Variants in DIAPH3 observed in about 807,000 individuals in gnomAD.
DIAPH3 encodes the protein protein diaphanous homolog 3.
In DIAPH3, 117 loss-of-function variants were observed where a neutral mutation model predicts 144.3. The ratio of observed to expected loss-of-function variants is 0.81; its 90% confidence interval spans 0.70 to 0.95. DIAPH3 has a LOEUF of 0.95. DIAPH3 is among the 40% of genes least tolerant of loss of function. The probability of loss-of-function intolerance (pLI) is 0.00; values close to 1 mark genes in which losing one functional copy is unlikely to be tolerated. For missense variants in DIAPH3, 1,421 were observed against 1,412.7 expected, an observed-to-expected ratio of 1.01 and a Z score of -0.09; for synonymous variants, 519 against 488.9, an observed-to-expected ratio of 1.06 and a Z score of -0.81.
chr13:59,701,172 G>A (rs1371137972), intron 27 of DIAPH3, among the ~76,000 whole-genome samples: 1 of 152,122 alleles, frequency 6.6e-6, no homozygotes, highest in Non-Finnish European at 1.5e-5. Context: ...TTAGTTGCGT[G>A]CATTCCATTG....
intron 27 of DIAPH3, among the ~76,000 whole-genome samples, chr13:59,762,439 G>T (rs1207106442): frequency 6.9e-6 from 1 of 144,928 alleles, no homozygotes; most frequent in Non-Finnish European, 1.5e-5. Flanking sequence ...TTTGAGGTGG[G>T]AGTGGATTAT....
At chr13:59,817,227 GTTAA>G (rs2040826036) in intron 24 of DIAPH3, among the ~76,000 whole-genome samples, 1 of 151,830 alleles carries the variant, frequency 6.6e-6, no homozygotes. Flanking sequence ...AATCAAGTCT[GTTAA>G]TTGTTTAACG....
Position 60,084,280 on chromosome 13 carries a change from A to T in DIAPH3, c.495+9348T>A, listed in dbSNP as rs554696486. 7.2e-5 allele frequency among the ~76,000 whole-genome samples: 11 copies of T among 152,098 alleles called. No homozygotes were observed. The South Asian group carries it at 2.3e-3, about 32-fold the overall frequency. ...ATCTGTGTGGTATTCTCCTTATGAT[A>T]ATTCATTAAGCTACACATCTTTTTT... On this transcript the variant is annotated intron_variant, in intron 4 of 27. Coordinates refer to ENST00000400324, the MANE Select transcript of DIAPH3 (RefSeq NM_001042517.2).
At chr13:59,870,109 T>C (rs996167108) in intron 21 of DIAPH3, among the ~76,000 whole-genome samples, 1 of 151,948 alleles carries the variant, frequency 6.6e-6, no homozygotes, top group Non-Finnish European at 1.5e-5. Context: ...GCAATTTATA[T>C]TTAGGTCCAT....
rs541690774 is a variant in DIAPH3, at chr13:59,841,658, T to G, written c.2738-2210A>C. Among the ~76,000 whole-genome samples, 3 of 152,232 alleles carry G rather than the reference T, an allele frequency of 2.0e-5. No individual in the cohort carries two copies. In the South Asian group the frequency reaches 6.2e-4, roughly 32 times the overall value. ...CATACATCTACTTTGTGCTATAAAT[T>G]AGGTTCAAAAAAGTAGTGTATTAGT... On this transcript the variant is annotated intron_variant, in intron 22 of 27. Transcript: ENST00000400324.
intron 27 of DIAPH3, among the ~76,000 whole-genome samples, chr13:59,714,301 A>T (rs531880949): frequency 2.1e-5 from 3 of 144,142 alleles, no homozygotes; most frequent in African/African-American, 5.2e-5. Flanking sequence ...CGGAGCTTGC[A>T]GTGAGCCGAG....
intron 23 of DIAPH3, among the ~76,000 whole-genome samples, chr13:59,837,293 T>C (rs538767683): frequency 6.6e-6 from 1 of 152,170 alleles, no homozygotes; most frequent in African/African-American, 2.4e-5. Flanking sequence ...CAACAAAGCA[T>C]CATCCTTCCT....
At chr13:59,747,418 G>A (rs954563778) in intron 27 of DIAPH3, among the ~76,000 whole-genome samples, 2 of 152,166 alleles carry the variant, frequency 1.3e-5, no homozygotes, top group African/African-American at 4.8e-5. Flanking sequence ...AGCCTTCCTG[G>A]GAGAAAGGTG....
intron 17 of DIAPH3, among the ~76,000 whole-genome samples, chr13:59,966,583 A>G (rs1199563682): frequency 1.3e-5 from 2 of 152,234 alleles, no homozygotes; most frequent in African/African-American, 2.4e-5. Context: ...TCTAAACATT[A>G]GAAGTCCTGA....
chr13:59,963,211 A>G (rs2049858771), intron 17 of DIAPH3, among the ~76,000 whole-genome samples: 1 of 152,204 alleles, frequency 6.6e-6, no homozygotes, highest in Non-Finnish European at 1.5e-5. Context: ...GAAAGCTTCT[A>G]TTAAATGCAC....
intron 27 of DIAPH3, among the ~76,000 whole-genome samples, chr13:59,706,155 T>C (rs991122006): frequency 6.6e-6 from 1 of 152,132 alleles, no homozygotes; most frequent in African/African-American, 2.4e-5. Flanking sequence ...CCTAATACAA[T>C]GTAAATGCTA....
intron 12 of DIAPH3, among the ~76,000 whole-genome samples, chr13:59,984,449 G>C (rs1477105710): frequency 6.6e-6 from 1 of 151,650 alleles, no homozygotes; most frequent in Non-Finnish European, 1.5e-5. Context: ...AAAAATCGAA[G>C]TTTAACTAAA....
Position 60,053,163 on chromosome 13 carries a change from T to C in DIAPH3, c.496-10343A>G, listed in dbSNP as rs1315274758. Among the ~76,000 whole-genome samples, 6 of 151,686 alleles carry C rather than the reference T, an allele frequency of 4.0e-5. No homozygotes were observed. The South Asian group carries it at 1.0e-3, about 26-fold the overall frequency. On this transcript the variant is annotated intron_variant, in intron 4 of 27. Coordinates refer to ENST00000400324, the MANE Select transcript of DIAPH3 (RefSeq NM_001042517.2). ...ATTATATTACAAGAATAATCAGAAA[T>C]ACTCCTTTTAAGAACAGCTCTTGTA...
At chr13:60,060,625 C>G (rs2141290062) in intron 4 of DIAPH3, among the ~76,000 whole-genome samples, 1 of 152,244 alleles carries the variant, frequency 6.6e-6, no homozygotes, top group Non-Finnish European at 1.5e-5. Flanking sequence ...ACTTCATCCT[C>G]TTTGTAACTA....
chr13:59,810,541 C>G (rs987285115), intron 25 of DIAPH3, among the ~76,000 whole-genome samples: 1 of 152,050 alleles, frequency 6.6e-6, no homozygotes, highest in East Asian at 1.9e-4. Flanking sequence ...AACGTGAATA[C>G]GCTGGAACGA....
intron 5 of DIAPH3, among the ~76,000 whole-genome samples, chr13:60,040,730 T>C (rs2055602519): frequency 6.6e-6 from 1 of 152,070 alleles, no homozygotes; most frequent in Non-Finnish European, 1.5e-5. Flanking sequence ...ACACCCCCAA[T>C]ACCCTTTCTA....
intron 17 of DIAPH3, among the ~76,000 whole-genome samples, chr13:59,949,603 G>A (rs2048995026): frequency 6.6e-6 from 1 of 152,148 alleles, no homozygotes; most frequent in African/African-American, 2.4e-5. Flanking sequence ...ATGACCATTA[G>A]TTTATATAGA....
intron 24 of DIAPH3, 131 bp downstream of exon 24, chr13:59,832,976 G>A: frequency 1.3e-6 from 1 of 784,464 alleles, no homozygotes; most frequent in Admixed American, 2.2e-5. Flanking sequence ...TTTTAAATCT[G>A]AAATTTTATA....
chr13:59,977,438 T>C (rs1217297095), intron 14 of DIAPH3, among the ~76,000 whole-genome samples: 2 of 151,832 alleles, frequency 1.3e-5, no homozygotes, highest in African/African-American at 4.8e-5. Flanking sequence ...AATTTTGCAA[T>C]AAGCCAAAGA....
Sources: allele counts gnomAD v4.1 joint callset (sites outside exome capture counted in the v4.1 genomes callset), GRCh38; gene constraint gnomAD v4.1.1; transcripts MANE v1.5; gene names NCBI Gene and HGNC (gene_info 2026-07-23, HGNC 2026-07-21).